The following SGF29 variants were observed in gnomAD, a reference collection of about 807,000 sequenced individuals.
The protein encoded by SGF29 is SAGA-associated factor 29.
In SGF29, 15 loss-of-function variants were observed where a neutral mutation model predicts 38.1. The ratio of observed to expected loss-of-function variants is 0.39; its 90% confidence interval spans 0.26 to 0.61. The LOEUF is 0.61. SGF29 is among the 20% of genes least tolerant of loss of function. SGF29 has a pLI of 0.49. For synonymous variants in SGF29, 151 were observed against 160.8 expected (o/e 0.94, Z 0.46); for missense variants, 184 against 394.6 (o/e 0.47, Z 4.52).
chr16:28,564,279 C>T (rs1333971577), intron 1 of SGF29, among the ~76,000 whole-genome samples: 2 of 151,746 alleles, frequency 1.3e-5, no homozygotes, highest in African/African-American at 2.4e-5. Context: ...AGTTGGAAGT[C>T]TGAATTGGGA....
At chr16:28,565,862 C>G (rs942989593) in intron 1 of SGF29, among the ~76,000 whole-genome samples, 2 of 152,070 alleles carry the variant, frequency 1.3e-5, no homozygotes, top group Non-Finnish European at 1.5e-5. Flanking sequence ...GTGCCAGGCT[C>G]TCTGCTAGGT....
chr16:28,570,530 T>C (rs886305828), intron 1 of SGF29, among the ~76,000 whole-genome samples: 2 of 151,262 alleles, frequency 1.3e-5, no homozygotes, highest in Non-Finnish European at 2.9e-5. Context: ...GATTGATTGA[T>C]TGATTTTTTT....
chr16:28,579,307 G>A (rs1369244813), intron 1 of SGF29, among the ~76,000 whole-genome samples: 1 of 147,966 alleles, frequency 6.8e-6, no homozygotes, highest in Non-Finnish European at 1.5e-5. Context: ...CGCCAGGCTG[G>A]AGTGCAGTGG....
At chr16:28,559,667 C>T (rs762627168) in intron 1 of SGF29, among the ~76,000 whole-genome samples, 2 of 152,128 alleles carry the variant, frequency 1.3e-5, no homozygotes, top group African/African-American at 4.8e-5. Flanking sequence ...TGAGCCACCG[C>T]ACCCGGCCCA....
chr16:28,573,770 G>A (rs1273882824), intron 1 of SGF29, among the ~76,000 whole-genome samples: 1 of 152,126 alleles, frequency 6.6e-6, no homozygotes, highest in African/African-American at 2.4e-5. Flanking sequence ...CTTCCCTTCC[G>A]AGTGAAGTAG....
intron 1 of SGF29, among the ~76,000 whole-genome samples, chr16:28,578,045 C>A (rs991825046): frequency 6.6e-6 from 1 of 151,994 alleles, no homozygotes; most frequent in African/African-American, 2.4e-5. Flanking sequence ...AAGTGGGGCT[C>A]AGGCTCGTCT....
Position 28,580,446 on chromosome 16 carries a change from G to A in SGF29, c.-15-609G>A, listed in dbSNP as rs149149802. On this transcript the variant is annotated intron_variant, in intron 1 of 9. Coordinates refer to ENST00000317058, the MANE Select transcript of SGF29 (RefSeq NM_138414.3). ...GAGGCTTAGACGGGGCCGTTACTCC[G>A]CGCATCTCTCCCGGCTGGATGGGTG... is the stretch of plus-strand genomic sequence containing the variant. Among the ~76,000 whole-genome samples, 1,184 of 152,266 alleles carry A rather than the reference G, an allele frequency of 7.8e-3. 6 individuals carry two copies. Among genetic ancestry groups the A allele is most frequent in the Non-Finnish European group, 0.012 (784 of 68,016 alleles).
intron 1 of SGF29, among the ~76,000 whole-genome samples, chr16:28,562,515 G>A (rs1192058366): frequency 6.6e-6 from 1 of 152,108 alleles, no homozygotes; most frequent in African/African-American, 2.4e-5. Context: ...CGCCTCTTCA[G>A]TGTTTTCCCA....
Position 28,591,625 on chromosome 16 carries a change from C to T in SGF29, c.801C>T (p.Thr267=), listed in dbSNP as rs763126359. The T allele has an allele frequency of 6.2e-6, 10 of 1,614,100 alleles. No homozygotes were observed. The highest frequency in any genetic ancestry group is 1.1e-5 in the South Asian group (1 of 91,082). Residue 267 remains threonine, a synonymous_variant, in exon 10 of 10, where the codon ACC becomes ACT. Transcript: ENST00000317058. ...ACTACTCGGTCCTGTTTGAAGACACCTCCTATGCAGATGGCTATTCCCCTC... is the reference window on the plus strand; with the variant it reads ...ACTACTCGGTCCTGTTTGAAGACACTTCCTATGCAGATGGCTATTCCCCTC... The part of the protein sequence containing the change: ...QDDYSVLFED[T]SYADGYSPPL...
chr16:28,591,706 A>G lies in SGF29; in HGVS notation c.882A>G (p.Ter294TrpextTer?), dbSNP rs201305778. 18 of 1,607,130 alleles carry G rather than the reference A, an allele frequency of 1.1e-5. No individual in the cohort carries two copies. The highest frequency in any genetic ancestry group is 1.4e-5 in the Non-Finnish European group (17 of 1,173,828). ...VVACKEPKKK[*>W] Reference sequence around the variant, plus strand: ...CTTGTAAGGAACCCAAGAAAAAGTGATGCCGCCTGGCAGACTCGCCATCCC... The same window carrying G: ...CTTGTAAGGAACCCAAGAAAAAGTGGTGCCGCCTGGCAGACTCGCCATCCC... Residue 294 changes from the stop codon to tryptophan (W), a stop_lost, in exon 10 of 10, where the codon TGA becomes TGG. Transcript: ENST00000317058.
At chr16:28,588,206 C>G (rs1274751403) in intron 4 of SGF29, among the ~76,000 whole-genome samples, 2 of 152,188 alleles carry the variant, frequency 1.3e-5, no homozygotes, top group Non-Finnish European at 2.9e-5. Context: ...GGGTTCCTGC[C>G]ACCCTGGAAT....
At chr16:28,554,887 A>T (rs745526139) in intron 1 of SGF29, among the ~76,000 whole-genome samples, 14 of 152,324 alleles carry the variant, frequency 9.2e-5, no homozygotes, top group Non-Finnish European at 1.5e-4. Context: ...GCTGTGGATC[A>T]CTGCCCCTCC....
rs79908177 is a variant in SGF29 at position 28,574,735 on chromosome 16, T to G, written c.-15-6320T>G. 5.6e-3 allele frequency among the ~76,000 whole-genome samples: 852 copies of G among 152,348 alleles called. 7 individuals are homozygous for G. Among genetic ancestry groups the G allele is most frequent in the African/African-American group, 0.02 (811 of 41,578 alleles). On this transcript the variant is annotated intron_variant, in intron 1 of 9. Coordinates refer to ENST00000317058, the MANE Select transcript of SGF29 (RefSeq NM_138414.3). ...GTCCACACCTTCACTTTCTTTGTTA[T>G]GGCTCACTGGGGTTCTTTCCTTTTT...
intron 1 of SGF29, among the ~76,000 whole-genome samples, chr16:28,579,464 G>T (rs538248276): frequency 1.0e-4 from 15 of 150,478 alleles, no homozygotes; most frequent in Non-Finnish European, 1.9e-4. Flanking sequence ...CACCATGTTG[G>T]CCAGGATGGT....
rs1463519588 is a variant in SGF29 at position 28,564,728 on chromosome 16, CAT to C, written c.-16+10638_-16+10639del. 5.1e-4 allele frequency among the ~76,000 whole-genome samples: 36 copies of C among 70,226 alleles called. 1 individual carries two copies. The highest frequency in any genetic ancestry group is 1.8e-3 in the South Asian group (5 of 2,722). The allele number at this position is 70,226 out of a possible 152,430, so 46.1% of individuals were successfully genotyped here. ...ATATACATATATATGTATATATATACATATATATGTATATATGTATATATATG... is the reference window on the plus strand; with the variant it reads ...ATATACATATATATGTATATATATACATATATGTATATATGTATATATATG... On this transcript the variant is annotated intron_variant, in intron 1 of 9. Transcript: ENST00000317058.
intron 1 of SGF29, among the ~76,000 whole-genome samples, chr16:28,565,672 A>G (rs1432320465): frequency 6.6e-6 from 1 of 151,638 alleles, no homozygotes; most frequent in Non-Finnish European, 1.5e-5. Context: ...TAATTTTTGT[A>G]TTTTTAGTAG....
At chr16:28,564,538 T>TAC (rs1175427470) in intron 1 of SGF29, among the ~76,000 whole-genome samples, 7 of 104,618 alleles carry the variant, frequency 6.7e-5, no homozygotes, top group Non-Finnish European at 9.7e-5. Flanking sequence ...TATATATATA[T>TAC]GTATATATAT....
intron 1 of SGF29, among the ~76,000 whole-genome samples, chr16:28,574,283 T>C (rs2046881277): frequency 1.3e-5 from 2 of 152,174 alleles, no homozygotes; most frequent in South Asian, 4.1e-4. Flanking sequence ...GCTGGCCCTT[T>C]TCCCATGATT....
At chr16:28,585,833 C>A in intron 4 of SGF29, 113 bp downstream of exon 4, 1 of 977,360 alleles carries the variant, frequency 1.0e-6, no homozygotes, top group Non-Finnish European at 1.6e-6. Context: ...AAGCTGATTG[C>A]TACTCCCAGC....
Sources: allele counts gnomAD v4.1 joint callset (sites outside exome capture counted in the v4.1 genomes callset), GRCh38; gene constraint gnomAD v4.1.1; transcripts MANE v1.5; gene names NCBI Gene and HGNC (gene_info 2026-07-23, HGNC 2026-07-21).